The following WDHD1 variants were observed in gnomAD, a reference collection of about 807,000 sequenced individuals.
WDHD1 encodes the protein WD repeat and HMG-box DNA binding protein 1, also known as WD repeat and HMG-box DNA-binding protein 1.
Under a neutral mutation model 135.4 loss-of-function variants are expected in WDHD1, and 111 were observed. That is an observed-to-expected ratio of 0.82 (90% CI 0.70 to 0.96). The LOEUF is 0.96. Ranked by LOEUF, WDHD1 falls within the 40% of genes least tolerant of loss-of-function variation. The probability of loss-of-function intolerance (pLI) is 0.00; values close to 1 mark genes in which losing one functional copy is unlikely to be tolerated. For missense variants in WDHD1, 1,351 were observed against 1,336.3 expected, an observed-to-expected ratio of 1.01 and a Z score of -0.17; for synonymous variants, 434 against 439.0, an observed-to-expected ratio of 0.99 and a Z score of 0.14.
intron 2 of WDHD1, among the ~76,000 whole-genome samples, chr14:55,016,641 C>T (rs924377431): frequency 2.0e-5 from 3 of 152,208 alleles, no homozygotes; most frequent in African/African-American, 7.2e-5. Flanking sequence ...TGAAAATGGT[C>T]TATACCTGGT....
intron 16 of WDHD1, among the ~76,000 whole-genome samples, chr14:54,979,951 A>T (rs2041590070): frequency 6.6e-6 from 1 of 152,178 alleles, no homozygotes; most frequent in Non-Finnish European, 1.5e-5. Flanking sequence ...TAGTGTCCTC[A>T]TCCTTTTTAA....
intron 21 of WDHD1, among the ~76,000 whole-genome samples, chr14:54,961,006 T>A (rs1412276021): frequency 6.6e-6 from 1 of 152,200 alleles, no homozygotes; most frequent in Non-Finnish European, 1.5e-5. Context: ...AGGGTTTCAT[T>A]GTTTCCAAGG....
Position 55,004,600 on chromosome 14 carries a change from G to A in WDHD1, c.601-2415C>T, listed in dbSNP as rs925347501. ...CCCAAGTAGCTGGGATTACAGGCAT[G>A]TGCCACCATGCCCAGCTAATTTCTA... On this transcript the variant is annotated intron_variant, in intron 7 of 25. Coordinates refer to ENST00000360586, the MANE Select transcript of WDHD1 (RefSeq NM_007086.4). 4.6e-5 allele frequency among the ~76,000 whole-genome samples: 7 copies of A among 152,092 alleles called. No individual in the cohort carries two copies. In the East Asian group the frequency reaches 5.8e-4, roughly 13 times the overall value.
intron 7 of WDHD1, chr14:55,004,897 C>A: frequency 3.8e-6 from 2 of 521,302 alleles, no homozygotes; most frequent in South Asian, 2.8e-5. Context: ...GCAGGCTGAG[C>A]ACTCCAGTTT....
intron 12 of WDHD1, 138 bp downstream of exon 12, chr14:54,991,075 C>G (rs1566730345): frequency 3.8e-6 from 2 of 523,776 alleles, no homozygotes. Flanking sequence ...AAACCAACCA[C>G]AAAACTGTAA....
chr14:54,984,820 C>G lies in WDHD1; in HGVS notation c.1809G>C (p.Leu603=). The G allele has an allele frequency of 6.2e-7, 1 of 1,613,726 alleles. No individual in the cohort carries two copies. The highest frequency in any genetic ancestry group is 1.7e-5 in the Admixed American group (1 of 59,924). The change falls in exon 15 of 26, where the codon CTG becomes CTC. Residue 603 remains leucine, a synonymous_variant. Coordinates refer to ENST00000360586, the MANE Select transcript of WDHD1 (RefSeq NM_007086.4). The part of the protein sequence containing the change: ...FDGDQCLGVQ[L]LELGKKKKQI... Reference sequence around the variant, plus strand: ...GTTTTTTCTTTTTCCCCAGCTCTAGCAGTTGAACTCCAAGGCACTGATCCC... The same window carrying G: ...GTTTTTTCTTTTTCCCCAGCTCTAGGAGTTGAACTCCAAGGCACTGATCCC...
At chr14:54,979,013 T>C (rs1013790879) in intron 16 of WDHD1, among the ~76,000 whole-genome samples, 2 of 152,226 alleles carry the variant, frequency 1.3e-5, no homozygotes, top group East Asian at 1.9e-4. Context: ...GCTCCTTCTT[T>C]TAAATTATCA....
chr14:54,965,558 T>C (rs2041326797), intron 18 of WDHD1, among the ~76,000 whole-genome samples: 4 of 152,320 alleles, frequency 2.6e-5, no homozygotes, highest in Middle Eastern at 3.4e-3. Flanking sequence ...GGTTCTCAGT[T>C]ACCTTGAGAG....
At chr14:54,949,508 G>A (rs1444941115) in intron 24 of WDHD1, among the ~76,000 whole-genome samples, 1 of 152,312 alleles carries the variant, frequency 6.6e-6, no homozygotes, top group Non-Finnish European at 1.5e-5. Context: ...TATGTGAAAA[G>A]ACCAAATCTA....
In WDHD1 at chr14:54,957,585, A is replaced by G. The variant is rs1342960323; in HGVS notation, c.2745+7T>C. ...AATAATATAAAACATCACTTGGAAG[A>G]GTTTACCTTAAAGGGATTTACTCGT... is the stretch of plus-strand genomic sequence containing the variant. On this transcript the variant is annotated splice_region_variant and intron_variant, in intron 22 of 25. Transcript: ENST00000360586. 6.3e-7 allele frequency: 1 copy of G among 1,593,318 alleles called. No individual in the cohort carries two copies. Among genetic ancestry groups the G allele is most frequent in the Non-Finnish European group, 8.5e-7 (1 of 1,173,102 alleles).
rs1332453643 is a variant in WDHD1 at position 54,951,282 on chromosome 14, T to TAATAAAGAA, written c.3050+4278_3050+4279insTTCTTTATT. Among the ~76,000 whole-genome samples, 120 of 149,930 alleles carry TAATAAAGAA rather than the reference T, an allele frequency of 8.0e-4. 1 individual carries two copies. The South Asian group carries it at 0.025, about 31-fold the overall frequency. ...TAATAAAGAAGAAAAGAGAGAAGAA[T>TAATAAAGAA]CAAATAGATGCAATAAAAAATGATA... On this transcript the variant is annotated intron_variant, in intron 24 of 25. Coordinates refer to ENST00000360586, the MANE Select transcript of WDHD1 (RefSeq NM_007086.4).
intron 8 of WDHD1, among the ~76,000 whole-genome samples, chr14:55,001,842 A>C (rs1384177470): frequency 6.6e-6 from 1 of 152,242 alleles, no homozygotes; most frequent in Non-Finnish European, 1.5e-5. Flanking sequence ...ATAAAGGCTA[A>C]CTACTGATCA....
chr14:54,968,093 A>G (rs943448741), intron 16 of WDHD1, among the ~76,000 whole-genome samples: 4 of 152,228 alleles, frequency 2.6e-5, no homozygotes, highest in African/African-American at 9.6e-5. Flanking sequence ...AACATACTCT[A>G]AGGTCAACCA....
In WDHD1 at chr14:55,000,576, T is replaced by C. The variant is rs2041962710; in HGVS notation, c.869A>G (p.Tyr290Cys). ...CCCTAGATTTCCTTCCGCATCAGTA[T>C]ACGATATTCGACCACAAGTAGGATG... Reference protein sequence around the residue: ...AWHPTCGRISYTDAEGNLGLL... With the variant: ...AWHPTCGRISCTDAEGNLGLL... Residue 290 changes from tyrosine to cysteine, a missense_variant, in exon 10 of 26, where the codon TAT (tyrosine) becomes TGT (cysteine). Tyr to Cys is a radical substitution (Grantham distance 194, BLOSUM62 -2). Around this residue, in one of 2 missense-constraint regions of WDHD1, gnomAD observed 1,330 missense variants for 1,296.1 expected, o/e 1.03. Transcript: ENST00000360586. 1 of 1,608,630 alleles carries C rather than the reference T, an allele frequency of 6.2e-7. No individual in the cohort carries two copies. Among genetic ancestry groups the C allele is most frequent in the Non-Finnish European group, 8.5e-7 (1 of 1,177,238 alleles).
chr14:54,987,008 C>T (rs2140196664), intron 14 of WDHD1, 138 bp downstream of exon 14: 4 of 1,040,232 alleles, frequency 3.8e-6, no homozygotes, highest in Non-Finnish European at 5.5e-6. Flanking sequence ...GTGAACACAA[C>T]AAAATTATCT....
chr14:55,002,557 C>T (rs1490091235), intron 7 of WDHD1, among the ~76,000 whole-genome samples: 1 of 152,104 alleles, frequency 6.6e-6, no homozygotes, highest in East Asian at 1.9e-4. Flanking sequence ...CACTCTATTG[C>T]TTGCACCCAA....
chr14:55,009,033 G>C (rs1399170443), intron 4 of WDHD1, among the ~76,000 whole-genome samples: 1 of 152,064 alleles, frequency 6.6e-6, no homozygotes, highest in African/African-American at 2.4e-5. Flanking sequence ...CCGACCTTGT[G>C]ATCCGCCCAC....
At chr14:54,962,641 A>C in intron 20 of WDHD1, 90 bp from the exon 21 acceptor site, 1 of 1,537,956 alleles carries the variant, frequency 6.5e-7, no homozygotes, top group Non-Finnish European at 9.0e-7. Flanking sequence ...AGGTCTGAAA[A>C]AAAGTATGAG....
rs2042461396 is a variant in WDHD1, at chr14:55,027,048, C to T, written c.-37G>A. The T allele has an allele frequency of 6.3e-6, 3 of 477,942 alleles. No homozygotes were observed. In the South Asian group the frequency reaches 7.1e-5, roughly 11 times the overall value. The allele number at this position is 477,942 out of a possible 1,614,324, so 29.6% of individuals were successfully genotyped here. A position where few individuals can be genotyped will look rare whatever the true frequency, so the allele number is the denominator to read the frequency against. On this transcript the variant is annotated 5_prime_UTR_variant, in exon 1 of 26. Transcript: ENST00000360586. ...CTCACCCGGGTGACCGAGCCTCCGC[C>T]ACTGAGGATCCACAAGAGCTGCTTC...
Sources: allele counts gnomAD v4.1 joint callset (sites outside exome capture counted in the v4.1 genomes callset), GRCh38; gene constraint gnomAD v4.1.1; regional missense constraint gnomAD v4.1.1; transcripts MANE v1.5; gene names NCBI Gene and HGNC (gene_info 2026-07-23, HGNC 2026-07-21).